COL8A1: variants seen among roughly 807,000 people sequenced by gnomAD.
The protein encoded by COL8A1 is collagen alpha-1(VIII) chain.
In COL8A1, 21 loss-of-function variants were observed where a neutral mutation model predicts 42.7. That is an observed-to-expected ratio of 0.49 (90% confidence interval 0.35 to 0.71). COL8A1 has a LOEUF of 0.71. Ranked by LOEUF, COL8A1 falls within the 30% of genes least tolerant of loss-of-function variation. The pLI is 0.01. For synonymous variants in COL8A1, 367 were observed against 369.1 expected (o/e 0.99, Z 0.06); for missense variants, 788 against 962.4 (o/e 0.82, Z 2.40).
intron 1 of COL8A1, among the ~76,000 whole-genome samples, chr3:99,647,606 G>A (rs537495331): frequency 7.9e-5 from 12 of 151,952 alleles, no homozygotes; most frequent in Non-Finnish European, 1.3e-4. Flanking sequence ...AGAGAGAAGC[G>A]GCCAACAATG....
intron 2 of COL8A1, among the ~76,000 whole-genome samples, chr3:99,747,912 T>C (rs755044967): frequency 1.1e-4 from 16 of 152,224 alleles, no homozygotes; most frequent in Non-Finnish European, 2.1e-4. Context: ...AAGCCCCAGA[T>C]TCTATCCTTC....
chr3:99,764,701 C>CTTTTTTTTTTTTTTTT (rs10648559), intron 2 of COL8A1, among the ~76,000 whole-genome samples: 1 of 125,050 alleles, frequency 8.0e-6, no homozygotes, highest in African/African-American at 3.0e-5. Flanking sequence ...TCTTTTTTTT[C>CTTTTTTTTTTTTTTTT]TTTTTTTTTT....
intron 2 of COL8A1, among the ~76,000 whole-genome samples, chr3:99,777,816 G>A (rs1000368060): frequency 6.6e-6 from 1 of 152,188 alleles, no homozygotes; most frequent in African/African-American, 2.4e-5. Context: ...TCAAAGGGCA[G>A]CTAACGGAAA....
chr3:99,680,647 TC>T (rs1938846253), intron 1 of COL8A1, among the ~76,000 whole-genome samples: 1 of 152,172 alleles, frequency 6.6e-6, no homozygotes, highest in African/African-American at 2.4e-5. Context: ...CCACATCCTC[TC>T]CAGCACCTGT....
rs11394075 is a variant in COL8A1 at position 99,662,381 on chromosome 3, C to CAA, written c.-129+23732_-129+23733dup. Among the ~76,000 whole-genome samples the CAA allele has an allele frequency of 9.0e-3, 1,139 of 125,958 alleles. 8 individuals are homozygous for CAA. Among genetic ancestry groups the CAA allele is most frequent in the Middle Eastern group, 0.013 (3 of 240 alleles). 82.6% of individuals were successfully genotyped at this position (125,958 alleles called of 152,430 possible). A position where few individuals can be genotyped will look rare whatever the true frequency, so the allele number is the denominator to read the frequency against. ...TGGGCGACAGGGCGAGACTTTGTCT[C>CAA]AAAAAAAAAAAAAAAATACAATAAT... On this transcript the variant is annotated intron_variant, in intron 1 of 3. Coordinates refer to ENST00000652472, the MANE Select transcript of COL8A1 (RefSeq NM_020351.4).
At chr3:99,662,361 G>C (rs1422013594) in intron 1 of COL8A1, among the ~76,000 whole-genome samples, 1 of 143,658 alleles carries the variant, frequency 7.0e-6, no homozygotes, top group South Asian at 2.3e-4. Flanking sequence ...CAGCCTGGGC[G>C]ACAGGGCGAG....
chr3:99,765,380 T>C (rs1426926990), intron 2 of COL8A1, among the ~76,000 whole-genome samples: 1 of 152,182 alleles, frequency 6.6e-6, no homozygotes, highest in Non-Finnish European at 1.5e-5. Flanking sequence ...GGGTATCTAG[T>C]AGAACAGGGA....
At chr3:99,773,825 A>AT (rs1941632449) in intron 2 of COL8A1, among the ~76,000 whole-genome samples, 8 of 65,426 alleles carry the variant, frequency 1.2e-4, no homozygotes, top group Non-Finnish European at 2.1e-4. Flanking sequence ...GTATATATAT[A>AT]TATATATATA....
At chr3:99,793,242 G>A (rs1942035690) in intron 3 of COL8A1, among the ~76,000 whole-genome samples, 1 of 152,038 alleles carries the variant, frequency 6.6e-6, no homozygotes, top group African/African-American at 2.4e-5. Context: ...TAATAATAAT[G>A]TATTACACAC....
At chr3:99,698,315 C>A (rs1286435509) in intron 1 of COL8A1, among the ~76,000 whole-genome samples, 1 of 152,198 alleles carries the variant, frequency 6.6e-6, no homozygotes, top group Non-Finnish European at 1.5e-5. Context: ...GATTTATAAT[C>A]CTTTGGGTAT....
intron 1 of COL8A1, among the ~76,000 whole-genome samples, chr3:99,683,810 G>T (rs899362122): frequency 6.6e-6 from 1 of 152,038 alleles, no homozygotes; most frequent in Non-Finnish European, 1.5e-5. Context: ...ACCCAATATT[G>T]TCATATTGCA....
intron 2 of COL8A1, among the ~76,000 whole-genome samples, chr3:99,745,698 C>A (rs1461187277): frequency 1.3e-5 from 2 of 152,050 alleles, no homozygotes; most frequent in African/African-American, 4.8e-5. Context: ...AAATGGTTTT[C>A]TTTGTATGTG....
intron 2 of COL8A1, among the ~76,000 whole-genome samples, chr3:99,789,892 A>G (rs1941967359): frequency 6.6e-6 from 1 of 152,250 alleles, no homozygotes; most frequent in African/African-American, 2.4e-5. Context: ...GTGCATAATT[A>G]TGATAGTGAT....
chr3:99,669,157 A>G (rs867583633), intron 1 of COL8A1, among the ~76,000 whole-genome samples: 44 of 142,482 alleles, frequency 3.1e-4, no homozygotes, highest in African/African-American at 1.0e-3. Context: ...AGAGGGAGAG[A>G]GAGAGAGAGA....
At chr3:99,690,015 TTTCCAAACAA>T (rs1939172584) in intron 1 of COL8A1, among the ~76,000 whole-genome samples, 1 of 152,206 alleles carries the variant, frequency 6.6e-6, no homozygotes, top group South Asian at 2.1e-4. Flanking sequence ...AAAAACAGCA[TTTCCAAACAA>T]TTTGTACTGA....
chr3:99,697,221 C>G (rs1378653808), intron 1 of COL8A1, among the ~76,000 whole-genome samples: 1 of 151,700 alleles, frequency 6.6e-6, no homozygotes, highest in Non-Finnish European at 1.5e-5. Flanking sequence ...CTCCTGACCT[C>G]GTGATCCGCC....
chr3:99,759,371 TTTATAAGGCTAAAAA>T (rs1941322792), intron 2 of COL8A1, among the ~76,000 whole-genome samples: 1 of 152,144 alleles, frequency 6.6e-6, no homozygotes, highest in African/African-American at 2.4e-5. Flanking sequence ...GCTTCTAAAA[TTTATAAGGCTAAAAA>T]GCGACAGAAA....
chr3:99,726,974 A>T (rs895734926), intron 1 of COL8A1, among the ~76,000 whole-genome samples: 10 of 152,146 alleles, frequency 6.6e-5, no homozygotes, highest in African/African-American at 1.9e-4. Flanking sequence ...CTTTATAGGG[A>T]TGGCATTGAA....
At chr3:99,773,910 T>C (rs1431167428) in intron 2 of COL8A1, among the ~76,000 whole-genome samples, 1 of 138,616 alleles carries the variant, frequency 7.2e-6, no homozygotes, top group African/African-American at 2.7e-5. Context: ...AGTGATGCAA[T>C]CTTGGCCCAC....
Sources: gnomAD v4.1 joint callset for allele counts (sites outside exome capture counted in the v4.1 genomes callset) on GRCh38, gnomAD v4.1.1 for gene constraint, MANE v1.5 for transcripts, NCBI Gene and HGNC (gene_info 2026-07-23, HGNC 2026-07-21) for gene names.